Variants in ZC3H12B observed in about 807,000 individuals in gnomAD.
ZC3H12B encodes zinc finger CCCH-type containing 12B, also known as probable ribonuclease ZC3H12B.
In ZC3H12B, 7 loss-of-function variants were observed where a neutral mutation model predicts 43.9. The ratio of observed to expected loss-of-function variants is 0.16; its 90% CI spans 0.09 to 0.30. The LOEUF (loss-of-function observed/expected upper bound fraction) is 0.30, where lower values mean the gene tolerates loss of function less well. ZC3H12B is among the 10% of genes least tolerant of loss of function. The pLI, the probability that ZC3H12B is intolerant of heterozygous loss-of-function variation, is 1.00. For synonymous variants in ZC3H12B, 222 were observed against 241.7 expected, an observed-to-expected ratio of 0.92 and a Z score of 0.76; for missense variants, 475 against 670.2, an observed-to-expected ratio of 0.71 and a Z score of 3.22.
chrX:65,413,991 C>T (rs1245831125), intron 3 of ZC3H12B, among the ~76,000 whole-genome samples: 1 of 111,694 alleles, frequency 9.0e-6, no homozygotes, highest in Non-Finnish European at 1.9e-5. Context: ...AGTCTTTTAC[C>T]TCCTTGGTTA....
chrX:65,194,363 G>T, the ZC3H12B span, among the ~76,000 whole-genome samples: 5 of 108,445 alleles, frequency 4.6e-5, no homozygotes, highest in South Asian at 4.1e-4. Context: ...CCTGCACATT[G>T]TGCACATGTA....
chrX:65,357,764 C>T, the ZC3H12B span, among the ~76,000 whole-genome samples: 1 of 111,747 alleles, frequency 8.9e-6, no homozygotes, highest in African/African-American at 3.3e-5. Flanking sequence ...GCCGTAAACA[C>T]TATGAAGAAA....
At chrX:65,183,943 G>A in the ZC3H12B span, among the ~76,000 whole-genome samples, 1 of 111,291 alleles carries the variant, frequency 9.0e-6, no homozygotes, top group African/African-American at 3.3e-5. Context: ...GTAAATGAGG[G>A]TGGTGTGTGG....
chrX:65,322,128 A>T, the ZC3H12B span, among the ~76,000 whole-genome samples: 4 of 111,653 alleles, frequency 3.6e-5, no homozygotes, highest in East Asian at 1.1e-3. Flanking sequence ...TCATGTTCGA[A>T]CTTGAAGGGG....
intron 3 of ZC3H12B, among the ~76,000 whole-genome samples, chrX:65,427,016 G>A (rs1046268089): frequency 1.8e-5 from 2 of 111,587 alleles, no homozygotes; most frequent in Admixed American, 9.5e-5. Context: ...AAATATCTTT[G>A]TTAATTTTCT....
At chrX:65,168,973 T>C in the ZC3H12B span, among the ~76,000 whole-genome samples, 4 of 111,544 alleles carry the variant, frequency 3.6e-5, no homozygotes, top group Non-Finnish European at 7.5e-5. Flanking sequence ...TGTTGATCTT[T>C]TCAAAAAAAC....
At chrX:65,049,080 A>C in the ZC3H12B span, among the ~76,000 whole-genome samples, 9 of 111,143 alleles carry the variant, frequency 8.1e-5, no homozygotes, top group Non-Finnish European at 1.7e-4. Flanking sequence ...ACTCCTTATC[A>C]GTTGTGTAGG....
the ZC3H12B span, among the ~76,000 whole-genome samples, chrX:65,132,486 C>T: frequency 9.1e-6 from 1 of 109,542 alleles, no homozygotes; most frequent in Non-Finnish European, 1.9e-5. Flanking sequence ...GTGTCCCATA[C>T]TTGTGGATTG....
At chrX:65,175,647 G>T in the ZC3H12B span, among the ~76,000 whole-genome samples, 2 of 111,882 alleles carry the variant, frequency 1.8e-5, no homozygotes, top group African/African-American at 6.5e-5. Context: ...AATGCAGAAG[G>T]TGGGTGATTT....
the ZC3H12B span, among the ~76,000 whole-genome samples, chrX:65,178,340 G>A: frequency 1.8e-5 from 2 of 111,733 alleles, no homozygotes; most frequent in Non-Finnish European, 3.8e-5. Flanking sequence ...TACCATTCAG[G>A]ACATACGTAT....
At chrX:65,274,769 G>T in the ZC3H12B span, among the ~76,000 whole-genome samples, 1 of 110,786 alleles carries the variant, frequency 9.0e-6, no homozygotes, top group Non-Finnish European at 1.9e-5. Flanking sequence ...ATGGCCATGT[G>T]CCCCCAATAA....
chrX:65,243,684 G>A, the ZC3H12B span, among the ~76,000 whole-genome samples: 1 of 112,202 alleles, frequency 8.9e-6, no homozygotes, highest in African/African-American at 3.2e-5. Flanking sequence ...GTTTATTGCA[G>A]CACTTTTCAC....
chrX:65,224,783 G>A, the ZC3H12B span, among the ~76,000 whole-genome samples: 3 of 111,912 alleles, frequency 2.7e-5, no homozygotes, highest in Non-Finnish European at 3.8e-5. Context: ...TAGCACAACA[G>A]TCTGAGATCA....
the ZC3H12B span, among the ~76,000 whole-genome samples, chrX:65,194,730 T>G: frequency 1.8e-5 from 2 of 112,255 alleles, no homozygotes; most frequent in South Asian, 7.3e-4. Flanking sequence ...TTCGTTGATT[T>G]TCTGTCTGAA....
the ZC3H12B span, among the ~76,000 whole-genome samples, chrX:65,356,097 G>T: frequency 1.8e-5 from 2 of 112,157 alleles, no homozygotes; most frequent in Non-Finnish European, 3.8e-5. Context: ...CTAGTGAAAT[G>T]GATAGCAAGT....
chrX:65,365,970 A>G (rs1178909939), upstream of ZC3H12B, among the ~76,000 whole-genome samples: 3 of 110,606 alleles, frequency 2.7e-5, no homozygotes, highest in African/African-American at 6.6e-5. Context: ...CTAGTTGAAA[A>G]ACAAAAAACA....
chrX:65,267,880 A>C, the ZC3H12B span, among the ~76,000 whole-genome samples: 17 of 111,975 alleles, frequency 1.5e-4, no homozygotes, highest in African/African-American at 5.2e-4. Flanking sequence ...AAGAAGAACA[A>C]ACTAAACCTA....
At chrX:65,407,989 C>T (rs2066855989) in intron 3 of ZC3H12B, 1 of 1,033,391 alleles carries the variant, frequency 9.7e-7, no homozygotes, top group African/African-American at 1.9e-5. Flanking sequence ...TTCTGCCTGG[C>T]TTTCCGGCTT....
At chrX:65,161,060 G>T in the ZC3H12B span, among the ~76,000 whole-genome samples, 1 of 111,032 alleles carries the variant, frequency 9.0e-6, no homozygotes, top group Non-Finnish European at 1.9e-5. Context: ...TTTCCATGTA[G>T]TTGAGCAGTT....
Sources: gnomAD v4.1 joint callset for allele counts (sites outside exome capture counted in the v4.1 genomes callset) on GRCh38, gnomAD v4.1.1 for gene constraint, MANE v1.5 for transcripts, NCBI Gene and HGNC (gene_info 2026-07-23, HGNC 2026-07-21) for gene names.